Variants in BIRC6 observed in about 807,000 individuals in gnomAD.
BIRC6 encodes the protein dual E2 ubiquitin-conjugating enzyme/E3 ubiquitin-protein ligase BIRC6.
Under a neutral mutation model 503.3 loss-of-function variants are expected in BIRC6, and 98 were observed. That is an observed-to-expected ratio of 0.19 (90% confidence interval 0.17 to 0.23). BIRC6 has a LOEUF of 0.23. BIRC6 is among the 10% of genes least tolerant of loss of function. The pLI, the probability that BIRC6 is intolerant of heterozygous loss-of-function variation, is 1.00. For synonymous variants in BIRC6, 2,240 were observed against 2,078.7 expected (o/e 1.08, Z -2.11); for missense variants, 5,360 against 5,806.0 (o/e 0.92, Z 2.50).
At chr2:32,389,923 G>A (rs62136275) in intron 4 of BIRC6, among the ~76,000 whole-genome samples, 1 of 149,700 alleles carries the variant, frequency 6.7e-6, no homozygotes, top group Non-Finnish European at 1.5e-5. Context: ...GCAATGGCAC[G>A]ATCTCGGCTC....
At chr2:32,472,339 G>A (rs542182556) in intron 32 of BIRC6, among the ~76,000 whole-genome samples, 6 of 152,296 alleles carry the variant, frequency 3.9e-5, no homozygotes, top group Admixed American at 6.5e-5. Flanking sequence ...AGAGTGCTGG[G>A]ATTACAGATG....
intron 57 of BIRC6, among the ~76,000 whole-genome samples, chr2:32,521,384 A>G (rs2055663975): frequency 6.8e-6 from 1 of 147,404 alleles, no homozygotes; most frequent in African/African-American, 2.5e-5. Flanking sequence ...AAAAAAAAAA[A>G]AAAAAAAAAG....
At chr2:32,463,766 T>C (rs1320116324) in intron 24 of BIRC6, among the ~76,000 whole-genome samples, 1 of 152,248 alleles carries the variant, frequency 6.6e-6, no homozygotes, top group African/African-American at 2.4e-5. Context: ...AGATGCTTCA[T>C]AAATTTTATT....
chr2:32,496,926 TA>T (rs1177597970), intron 45 of BIRC6, among the ~76,000 whole-genome samples: 2 of 152,194 alleles, frequency 1.3e-5, no homozygotes, highest in African/African-American at 2.4e-5. Context: ...GTACATATGG[TA>T]AAAGTTACTC....
At chr2:32,562,526 A>G (rs114354348) in intron 65 of BIRC6, among the ~76,000 whole-genome samples, 2,532 of 152,314 alleles carry the variant, frequency 0.017, 52 homozygotes, top group African/African-American at 0.058. Context: ...CAAATGCGCA[A>G]TTTTATGTAT....
At chr2:32,464,304 G>T (rs1437582600) in intron 24 of BIRC6, among the ~76,000 whole-genome samples, 1 of 152,100 alleles carries the variant, frequency 6.6e-6, no homozygotes, top group Non-Finnish European at 1.5e-5. Context: ...GTTCCCAAAT[G>T]CACAGGAAAT....
chr2:32,510,433 A>G, intron 52 of BIRC6, 93 bp from the exon 53 acceptor site: 1 of 777,888 alleles, frequency 1.3e-6, no homozygotes, highest in South Asian at 1.6e-5. Context: ...TGGAAGCCTC[A>G]TTTTTAATGA....
At chr2:32,478,841 A>G in intron 36 of BIRC6, 23 bp downstream of exon 36, 4 of 1,605,152 alleles carry the variant, frequency 2.5e-6, no homozygotes, top group Non-Finnish European at 3.4e-6. Flanking sequence ...TTTTCTTCAT[A>G]GAGTATGTCA....
chr2:32,372,135 A>C (rs1174979305), intron 1 of BIRC6, among the ~76,000 whole-genome samples: 4 of 152,182 alleles, frequency 2.6e-5, no homozygotes, highest in African/African-American at 7.2e-5. Flanking sequence ...ATCATTTAAA[A>C]ATTTTTATTT....
intron 5 of BIRC6, 39 bp from the exon 6 acceptor site, chr2:32,395,469 AATG>A (rs779245085): frequency 1.4e-6 from 2 of 1,403,304 alleles, no homozygotes; most frequent in Non-Finnish European, 2.0e-6. Context: ...CTATTTTAAT[AATG>A]ATTTACCTTT....
At chr2:32,387,294 T>C (rs1189502812) in intron 3 of BIRC6, among the ~76,000 whole-genome samples, 2 of 150,116 alleles carry the variant, frequency 1.3e-5, no homozygotes, top group Non-Finnish European at 3.0e-5. Flanking sequence ...AAGTTTTCAT[T>C]CTCCCTCTTT....
At chr2:32,576,522 C>G (rs1372056660) in intron 66 of BIRC6, among the ~76,000 whole-genome samples, 1 of 152,128 alleles carries the variant, frequency 6.6e-6, no homozygotes, top group Non-Finnish European at 1.5e-5. Flanking sequence ...ACTCCTTTTT[C>G]AGTTACCTTT....
chr2:32,486,542 AG>A (rs1407171881), intron 40 of BIRC6, among the ~76,000 whole-genome samples: 4 of 152,162 alleles, frequency 2.6e-5, no homozygotes, highest in African/African-American at 9.7e-5. Context: ...TGCTTAGAAG[AG>A]GGTGCTGGTT....
At chr2:32,416,215 A>G in intron 10 of BIRC6, 52 bp downstream of exon 10, 1 of 1,486,790 alleles carries the variant, frequency 6.7e-7, no homozygotes, top group Non-Finnish European at 9.0e-7. Flanking sequence ...TATATATGGC[A>G]TTTGTTTATG....
At chr2:32,446,104 C>T (rs952321668) in intron 21 of BIRC6, among the ~76,000 whole-genome samples, 2 of 152,196 alleles carry the variant, frequency 1.3e-5, no homozygotes, top group Non-Finnish European at 2.9e-5. Context: ...GATCCGCCCG[C>T]CTCAGCCTCC....
Position 32,508,174 on chromosome 2 carries a change from T to C in BIRC6, c.9895T>C (p.Leu3299=), listed in dbSNP as rs369661833. ...ATTAGGCCTTTCACAAATTAAATTA[T>C]TGGGGCTCACTGCTTTTGGTACCAC... The part of the protein sequence containing the change: ...STLGLSQIKL[L]GLTAFGTTSS... Residue 3299 remains leucine, a synonymous_variant, in exon 51 of 74, where the codon TTG becomes CTG. Transcript: ENST00000421745. 6.2e-7 allele frequency: 1 copy of C among 1,613,632 alleles called. No individual in the cohort carries two copies. Among genetic ancestry groups the C allele is most frequent in the Non-Finnish European group, 8.5e-7 (1 of 1,179,792 alleles).
intron 62 of BIRC6, among the ~76,000 whole-genome samples, chr2:32,544,037 T>C (rs2057873055): frequency 6.6e-6 from 1 of 152,150 alleles, no homozygotes; most frequent in Non-Finnish European, 1.5e-5. Flanking sequence ...GGATGAGTTA[T>C]CTCAGAAAAT....
chr2:32,557,375 T>G (rs977046177), intron 65 of BIRC6: 7 of 152,234 alleles, frequency 4.6e-5, no homozygotes, highest in African/African-American at 1.7e-4. Flanking sequence ...TTATATGTAC[T>G]CTTAGAAAAA....
At chr2:32,419,296 G>T (rs1014776928) in intron 10 of BIRC6, among the ~76,000 whole-genome samples, 1 of 152,068 alleles carries the variant, frequency 6.6e-6, no homozygotes, top group African/African-American at 2.4e-5. Context: ...TTCTTGTGGA[G>T]AATCAAGTCT....
Sources: allele counts gnomAD v4.1 joint callset (sites outside exome capture counted in the v4.1 genomes callset), GRCh38; gene constraint gnomAD v4.1.1; transcripts MANE v1.5; gene names NCBI Gene and HGNC (gene_info 2026-07-23, HGNC 2026-07-21).